CHN2: variants seen among roughly 807,000 people sequenced by gnomAD.
CHN2 encodes the protein beta-chimaerin.
Under a neutral mutation model 56.3 loss-of-function variants are expected in CHN2, and 35 were observed. The ratio of observed to expected loss-of-function variants is 0.62; its 90% confidence interval spans 0.47 to 0.82. The LOEUF (loss-of-function observed/expected upper bound fraction) is 0.82. Ranked by LOEUF, CHN2 falls within the 40% of genes least tolerant of loss-of-function variation. The pLI, the probability that CHN2 is intolerant of heterozygous loss-of-function variation, is 0.00. For synonymous variants in CHN2, 210 were observed against 212.8 expected (o/e 0.99, Z 0.12); for missense variants, 491 against 580.5 (o/e 0.85, Z 1.58).
At chr7:29,169,861 C>CGTGT (rs71555785) in intron 2 of CHN2, among the ~76,000 whole-genome samples, 41 of 147,908 alleles carry the variant, frequency 2.8e-4, no homozygotes, top group Admixed American at 6.8e-4. Flanking sequence ...AGTATATATA[C>CGTGT]GTGTGTGTGT....
In CHN2 at chr7:29,504,830, G is replaced by A. The variant is rs751585566; in HGVS notation, c.991+9G>A. ...AATGGCATTTGACAGAGGTAAGCTT[G>A]TACTTTCTTGAATGCCATCTGACAT... is the stretch of plus-strand genomic sequence containing the variant. On this transcript the variant is annotated intron_variant, in intron 10 of 12. Transcript: ENST00000222792. 5 of 1,601,314 alleles carry A rather than the reference G, an allele frequency of 3.1e-6. No homozygotes were observed. The highest frequency in any genetic ancestry group is 4.3e-6 in the Non-Finnish European group (5 of 1,169,510).
At chr7:29,222,232 A>C (rs1033462530) in intron 1 of CHN2, among the ~76,000 whole-genome samples, 4 of 152,260 alleles carry the variant, frequency 2.6e-5, no homozygotes, top group Non-Finnish European at 4.4e-5. Flanking sequence ...AAATGGAAAA[A>C]GATTACATGC....
intron 1 of CHN2, among the ~76,000 whole-genome samples, chr7:29,304,106 A>G (rs1416397350): frequency 6.6e-6 from 1 of 152,134 alleles, no homozygotes; most frequent in Admixed American, 6.5e-5. Flanking sequence ...GGCTGATTGA[A>G]TAGGTCAGGG....
At chr7:29,503,959 A>G (rs1346917814) in intron 9 of CHN2, among the ~76,000 whole-genome samples, 1 of 152,194 alleles carries the variant, frequency 6.6e-6, no homozygotes, top group Admixed American at 6.5e-5. Context: ...AGCTCCAGGG[A>G]CAGAAACCAT....
At chr7:29,461,361 T>C (rs935759779) in intron 6 of CHN2, among the ~76,000 whole-genome samples, 6 of 152,152 alleles carry the variant, frequency 3.9e-5, no homozygotes, top group Non-Finnish European at 8.8e-5. Context: ...GTTAACCAGA[T>C]GAACAAAGAA....
chr7:29,486,215 G>T (rs1349736095), intron 7 of CHN2, among the ~76,000 whole-genome samples: 1 of 152,220 alleles, frequency 6.6e-6, no homozygotes. Context: ...AGAAACCCCA[G>T]TGTCTAGAAC....
intron 1 of CHN2, among the ~76,000 whole-genome samples, chr7:29,269,097 A>C (rs1481687841): frequency 6.6e-6 from 1 of 152,178 alleles, no homozygotes; most frequent in Non-Finnish European, 1.5e-5. Flanking sequence ...TTATTTTGAA[A>C]TAGGCAATAA....
chr7:29,161,527 T>C (rs1347242597), intron 2 of CHN2, among the ~76,000 whole-genome samples: 1 of 152,204 alleles, frequency 6.6e-6, no homozygotes, highest in Non-Finnish European at 1.5e-5. Flanking sequence ...TACCCATTCA[T>C]GCTCCTGGTC....
chr7:29,443,785 T>G (rs900764729), intron 6 of CHN2, among the ~76,000 whole-genome samples: 1 of 151,804 alleles, frequency 6.6e-6, no homozygotes. Context: ...ATGGCAGAGG[T>G]GTGAGACAAA....
chr7:29,389,560 C>G (rs1801196935), intron 3 of CHN2, among the ~76,000 whole-genome samples: 1 of 151,994 alleles, frequency 6.6e-6, no homozygotes, highest in East Asian at 1.9e-4. Flanking sequence ...AATGACCAGT[C>G]CACACTGGTC....
intron 6 of CHN2, 187 bp from the exon 7 acceptor site, chr7:29,480,092 G>C (rs779026265): frequency 4.5e-6 from 7 of 1,551,448 alleles, no homozygotes; most frequent in Middle Eastern, 1.7e-4. Flanking sequence ...AAACTGGAAA[G>C]AGCTGGGATC....
At chr7:29,308,981 T>C (rs1229742461) in intron 1 of CHN2, among the ~76,000 whole-genome samples, 1 of 152,200 alleles carries the variant, frequency 6.6e-6, no homozygotes, top group Non-Finnish European at 1.5e-5. Flanking sequence ...CAATGCAACA[T>C]CTTGCACAGA....
intron 1 of CHN2, among the ~76,000 whole-genome samples, chr7:29,278,996 T>TC (rs1554389349): frequency 5.0e-4 from 38 of 76,246 alleles, no homozygotes; most frequent in East Asian, 1.3e-3. Flanking sequence ...GGTCCAGCTG[T>TC]CCCCCCCCAA....
intron 6 of CHN2, among the ~76,000 whole-genome samples, chr7:29,465,406 C>G (rs974641707): frequency 3.2e-4 from 48 of 152,168 alleles, no homozygotes; most frequent in African/African-American, 1.1e-3. Context: ...ATGCACACAC[C>G]TATATAAAAT....
chr7:29,165,364 A>G (rs1231202754), intron 2 of CHN2, among the ~76,000 whole-genome samples: 2 of 152,156 alleles, frequency 1.3e-5, no homozygotes, highest in Non-Finnish European at 2.9e-5. Context: ...TGATTTTTAT[A>G]TATTACTCTT....
At chr7:29,453,675 T>C (rs1784554310) in intron 6 of CHN2, among the ~76,000 whole-genome samples, 2 of 152,162 alleles carry the variant, frequency 1.3e-5, no homozygotes, top group African/African-American at 2.4e-5. Context: ...ACCCCCAACA[T>C]TGAAACCTAA....
intron 1 of CHN2, among the ~76,000 whole-genome samples, chr7:29,344,394 C>T (rs915728160): frequency 3.9e-5 from 6 of 152,190 alleles, no homozygotes; most frequent in Admixed American, 2.6e-4. Context: ...GGTTGTAAAA[C>T]GCTTAATTAT....
At chr7:29,416,214 A>G (rs977549494) in intron 6 of CHN2, among the ~76,000 whole-genome samples, 1 of 152,218 alleles carries the variant, frequency 6.6e-6, no homozygotes, top group Non-Finnish European at 1.5e-5. Flanking sequence ...CAAAGACAGA[A>G]CTGTAGTATA....
chr7:29,470,427 T>G (rs1327792315), intron 6 of CHN2, among the ~76,000 whole-genome samples: 1 of 152,258 alleles, frequency 6.6e-6, no homozygotes, highest in Non-Finnish European at 1.5e-5. Context: ...TTTGGGTGAT[T>G]GTTCACTGTA....
Sources: allele counts gnomAD v4.1 joint callset (sites outside exome capture counted in the v4.1 genomes callset), GRCh38; gene constraint gnomAD v4.1.1; transcripts MANE v1.5; gene names NCBI Gene and HGNC (gene_info 2026-07-23, HGNC 2026-07-21).